The following FAM171B variants were observed in gnomAD, a reference collection of about 807,000 sequenced individuals.
FAM171B encodes the protein protein FAM171B.
In FAM171B, 19 loss-of-function variants were observed where a neutral mutation model predicts 75.6. That is an observed-to-expected ratio of 0.25 (90% CI 0.18 to 0.37). The LOEUF (loss-of-function observed/expected upper bound fraction) is 0.37, where lower values mean the gene tolerates loss of function less well. Ranked by LOEUF, FAM171B falls within the 10% of genes least tolerant of loss-of-function variation. The probability of loss-of-function intolerance (pLI) is 1.00; values close to 1 mark genes in which losing one functional copy is unlikely to be tolerated. For missense variants in FAM171B, 848 were observed against 982.4 expected (o/e 0.86, Z 1.83); for synonymous variants, 367 against 361.7 (o/e 1.01, Z -0.17).
At chr2:186,749,024 A>G (rs1363952280) in intron 4 of FAM171B, among the ~76,000 whole-genome samples, 2 of 152,176 alleles carry the variant, frequency 1.3e-5, no homozygotes, top group East Asian at 3.8e-4. Flanking sequence ...AGTTTTGATT[A>G]TCCTGAGAAT....
chr2:186,758,519 T>C (rs182266505), intron 6 of FAM171B, among the ~76,000 whole-genome samples: 24 of 152,272 alleles, frequency 1.6e-4, no homozygotes, highest in East Asian at 1.9e-4. Context: ...CCACTCACTC[T>C]TCTTACCCTA....
chr2:186,697,773 G>A (rs1410993516), intron 1 of FAM171B, among the ~76,000 whole-genome samples: 1 of 151,970 alleles, frequency 6.6e-6, no homozygotes, highest in African/African-American at 2.4e-5. Context: ...GTCCATAGTA[G>A]AGAAACTCAC....
intron 1 of FAM171B, among the ~76,000 whole-genome samples, chr2:186,714,547 T>G (rs1198908150): frequency 6.6e-6 from 1 of 152,190 alleles, no homozygotes; most frequent in Admixed American, 6.5e-5. Flanking sequence ...TTCCTAGTCA[T>G]GATATAAATT....
chr2:186,751,969 G>A (rs535489943), intron 5 of FAM171B, among the ~76,000 whole-genome samples: 1 of 152,296 alleles, frequency 6.6e-6, no homozygotes, highest in African/African-American at 2.4e-5. Flanking sequence ...TAGTTTCACA[G>A]GGCTTGGGCT....
rs943244530 is a variant in FAM171B at position 186,762,718 on chromosome 2, TACATCCCCC to T, written c.2379_2387del (p.Ser794_Thr796del). The T allele has an allele frequency of 1.9e-6, 3 of 1,612,994 alleles. No homozygotes were observed. Among genetic ancestry groups the T allele is most frequent in the Non-Finnish European group, 2.5e-6 (3 of 1,179,560 alleles). ...GCACTGTTGAAGATTTTGAAGCTAA[TACATCCCCC>T]ACTAAAAGAAGGGGCAGACCACCAC... On this transcript the variant is annotated inframe_deletion, in exon 8 of 8. Transcript: ENST00000304698. This position sits in a 1 kb window ranked among gnomAD's most constrained non-coding sequence, Gnocchi z 4.0.
chr2:186,763,767 A>C lies in FAM171B; in HGVS notation c.*944A>C, dbSNP rs1309116550. The stretch of plus-strand genomic sequence containing the variant: ...GTGAAAGTTTCTTTTGAACACTAAA[A>C]TAAAATATGTGCAGATAAAATATAC... On this transcript the variant is annotated 3_prime_UTR_variant, in exon 8 of 8. Coordinates refer to ENST00000304698, the MANE Select transcript of FAM171B (RefSeq NM_177454.4). 1 of 152,092 alleles carries C rather than the reference A, an allele frequency of 6.6e-6. No individual in the cohort carries two copies. Among genetic ancestry groups the C allele is most frequent in the South Asian group, 2.1e-4 (1 of 4,836 alleles). 9.4% of individuals were successfully genotyped at this position (152,092 alleles called of 1,614,324 possible).
intron 1 of FAM171B, among the ~76,000 whole-genome samples, chr2:186,698,982 G>A (rs1003750919): frequency 6.6e-6 from 1 of 152,120 alleles, no homozygotes. Context: ...TGGTTGAATA[G>A]TACTCCATTG....
chr2:186,762,297 G>A lies in FAM171B; in HGVS notation c.1955G>A (p.Gly652Glu). The A allele has an allele frequency of 6.2e-7, 1 of 1,613,624 alleles. No homozygotes were observed. Among genetic ancestry groups the A allele is most frequent in the Non-Finnish European group, 8.5e-7 (1 of 1,179,756 alleles). ...VMTPFSSELQ[G>E]ISEQTLLELS... Reference sequence around the variant, plus strand: ...ACTCCATTTTCATCGGAACTTCAAGGAATTTCAGAACAGACCCTCCTGGAG... The same window carrying A: ...ACTCCATTTTCATCGGAACTTCAAGAAATTTCAGAACAGACCCTCCTGGAG... Residue 652 changes from glycine (G) to glutamate (E), a missense_variant, in exon 8 of 8, where the codon GGA becomes GAA. Transcript: ENST00000304698. This position sits in a 1 kb window ranked among gnomAD's most constrained non-coding sequence, Gnocchi z 4.0.
intron 1 of FAM171B, among the ~76,000 whole-genome samples, chr2:186,731,025 T>C (rs1166209290): frequency 6.6e-6 from 1 of 152,226 alleles, no homozygotes; most frequent in African/African-American, 2.4e-5. Flanking sequence ...TGTTATTGAA[T>C]TGGAATAGAG....
At chr2:186,736,814 G>A (rs985586039) in intron 1 of FAM171B, among the ~76,000 whole-genome samples, 1 of 151,938 alleles carries the variant, frequency 6.6e-6, no homozygotes, top group African/African-American at 2.4e-5. Flanking sequence ...TATTTTGATA[G>A]CAATATTGAG....
chr2:186,739,683 A>ATACC (rs1690259066), intron 1 of FAM171B, among the ~76,000 whole-genome samples: 1 of 152,138 alleles, frequency 6.6e-6, no homozygotes, highest in South Asian at 2.1e-4. Flanking sequence ...TTTTTTTGGA[A>ATACC]TACCTCCTGA....
chr2:186,747,344 A>G, intron 4 of FAM171B, 94 bp downstream of exon 4: 1 of 768,666 alleles, frequency 1.3e-6, no homozygotes, highest in Non-Finnish European at 1.9e-6. Context: ...CTTATAATAT[A>G]TAAGCTATGG....
chr2:186,754,088 A>G (rs1214169876), intron 6 of FAM171B, 39 bp downstream of exon 6: 1 of 1,464,622 alleles, frequency 6.8e-7, no homozygotes, highest in Non-Finnish European at 9.4e-7. Context: ...CATGTAATTC[A>G]AATAGTCTTG....
intron 4 of FAM171B, among the ~76,000 whole-genome samples, chr2:186,747,491 C>T (rs1439668442): frequency 6.6e-6 from 1 of 151,914 alleles, no homozygotes; most frequent in African/African-American, 2.4e-5. Flanking sequence ...ATTTTGATTT[C>T]TTTTAAATTT....
At chr2:186,715,865 C>A (rs1010354515) in intron 1 of FAM171B, among the ~76,000 whole-genome samples, 3 of 152,032 alleles carry the variant, frequency 2.0e-5, no homozygotes, top group Non-Finnish European at 4.4e-5. Flanking sequence ...ATGAATTCTT[C>A]CACTTCTATT....
chr2:186,746,407 C>T (rs1690365297), intron 3 of FAM171B, among the ~76,000 whole-genome samples: 2 of 152,168 alleles, frequency 1.3e-5, no homozygotes, highest in Non-Finnish European at 2.9e-5. Flanking sequence ...AAAACCCAGT[C>T]CTAATCTGGC....
chr2:186,720,686 G>T (rs1689938713), intron 1 of FAM171B, among the ~76,000 whole-genome samples: 1 of 104,566 alleles, frequency 9.6e-6, no homozygotes, highest in South Asian at 3.4e-4. Flanking sequence ...CAAATTTTCT[G>T]TGTAGATCAT....
chr2:186,700,332 A>T (rs1419207277), intron 1 of FAM171B, among the ~76,000 whole-genome samples: 2 of 152,042 alleles, frequency 1.3e-5, no homozygotes, highest in East Asian at 3.9e-4. Flanking sequence ...AGATATACCC[A>T]TATAAACATC....
chr2:186,735,864 G>A (rs1382775913), intron 1 of FAM171B, among the ~76,000 whole-genome samples: 1 of 152,206 alleles, frequency 6.6e-6, no homozygotes. Context: ...TTGAGGAACA[G>A]CTTAAGACTC....
Sources: gnomAD v4.1 joint callset for allele counts (sites outside exome capture counted in the v4.1 genomes callset) on GRCh38, gnomAD v4.1.1 for gene constraint, Gnocchi (gnomAD v3.1) non-coding constraint, MANE v1.5 for transcripts, NCBI Gene and HGNC (gene_info 2026-07-23, HGNC 2026-07-21) for gene names.